The following GRIP1 variants were observed in gnomAD, a reference collection of about 807,000 sequenced individuals.
GRIP1 encodes the protein glutamate receptor interacting protein 1.
A neutral mutation model predicts 129.9 loss-of-function variants in GRIP1; 45 were observed. The observed-to-expected ratio is 0.35, with a 90% CI of 0.27 to 0.44. The LOEUF is 0.44. Among genes scored for constraint, GRIP1 ranks in the 20% least tolerant of loss-of-function variants. GRIP1 has a pLI of 1.00. For synonymous variants in GRIP1, 530 were observed against 520.8 expected (o/e 1.02, Z -0.24); for missense variants, 1,196 against 1,396.8 (o/e 0.86, Z 2.29).
rs187503865 is a variant in GRIP1 at position 66,832,504 on chromosome 12, A to G, written c.59-235577T>C. ...ACGAAAATCTCAACTTAAAAACTGGATTTTTTGTTTATGAGAAAAAAAAAT... is the reference window on the plus strand; with the variant it reads ...ACGAAAATCTCAACTTAAAAACTGGGTTTTTTGTTTATGAGAAAAAAAAAT... On this transcript the variant is annotated intron_variant, in intron 1 of 1. Coordinates refer to the GRIP1 transcript ENST00000643019. Among the ~76,000 whole-genome samples the G allele has an allele frequency of 1.5e-4, 22 of 149,560 alleles. No individual in the cohort carries two copies. In the East Asian group the frequency reaches 3.6e-3, roughly 24 times the overall value.
chr12:67,012,754 C>T (rs1401423852), intron 1 of GRIP1, among the ~76,000 whole-genome samples: 1 of 152,106 alleles, frequency 6.6e-6, no homozygotes, highest in Non-Finnish European at 1.5e-5. Context: ...TCAGTTATAT[C>T]AGTCCCTTTT....
intron 22 of GRIP1, among the ~76,000 whole-genome samples, chr12:66,374,337 G>A (rs771097801): frequency 1.3e-4 from 20 of 151,994 alleles, no homozygotes; most frequent in African/African-American, 4.1e-4. Context: ...ACAGGTACCC[G>A]TCACCACGCC....
intron 1 of GRIP1, among the ~76,000 whole-genome samples, chr12:66,854,669 GA>G (rs2039972622): frequency 6.6e-6 from 1 of 151,922 alleles, no homozygotes; most frequent in Non-Finnish European, 1.5e-5. Context: ...AGTAAGACAG[GA>G]ATTAAAATGC....
chr12:66,859,814 G>A (rs953429185), intron 1 of GRIP1, among the ~76,000 whole-genome samples: 4 of 152,068 alleles, frequency 2.6e-5, no homozygotes, highest in Admixed American at 6.6e-5. Flanking sequence ...CTAGCAGGCA[G>A]CACCAGTTGC....
chr12:66,371,757 G>T lies in GRIP1; in HGVS notation c.2949C>A (p.Thr983=). 1 of 1,614,034 alleles carries T rather than the reference G, an allele frequency of 6.2e-7. No homozygotes were observed. Among genetic ancestry groups the T allele is most frequent in the Non-Finnish European group, 8.5e-7 (1 of 1,179,946 alleles). ...LPSDVGRKSV[T]LRKMKQEIKE... is the part of the protein sequence containing the mutation. ...TTATTTCTTGTTTCATTTTTCTCAG[G>T]GTTACTGACTTCCTACCCACATCTG... The change falls in exon 23 of 25, where the codon ACC becomes ACA. Residue 983 remains threonine (T), a synonymous_variant. Coordinates refer to ENST00000359742, the MANE Select transcript of GRIP1 (RefSeq NM_001366722.1).
chr12:66,553,509 G>C (rs944611221), intron 2 of GRIP1, among the ~76,000 whole-genome samples: 1 of 151,752 alleles, frequency 6.6e-6, no homozygotes, highest in East Asian at 1.9e-4. Flanking sequence ...GAGCAAGATG[G>C]CTGAATAGAA....
At chr12:66,850,136 A>T (rs1412350711) in intron 1 of GRIP1, among the ~76,000 whole-genome samples, 1 of 152,170 alleles carries the variant, frequency 6.6e-6, no homozygotes, top group Non-Finnish European at 1.5e-5. Context: ...AGTGAGACAA[A>T]AGGGGAGATG....
chr12:66,747,474 C>T (rs933412287), intron 1 of GRIP1, among the ~76,000 whole-genome samples: 1 of 152,120 alleles, frequency 6.6e-6, no homozygotes, highest in African/African-American at 2.4e-5. Context: ...GTAAAAGAAG[C>T]ATTTCTTTCC....
chr12:66,452,215 G>T (rs545104298), intron 11 of GRIP1, among the ~76,000 whole-genome samples: 1 of 152,336 alleles, frequency 6.6e-6, no homozygotes, highest in South Asian at 2.1e-4. Flanking sequence ...AGATGATGAG[G>T]TTCTGGAAGG....
chr12:66,701,127 A>T (rs2035335919), intron 1 of GRIP1, among the ~76,000 whole-genome samples: 1 of 152,008 alleles, frequency 6.6e-6, no homozygotes, highest in African/African-American at 2.4e-5. Flanking sequence ...CAACTAATAA[A>T]CACAAACCCT....
At chr12:66,354,905 C>T (rs2054404693) in intron 23 of GRIP1, among the ~76,000 whole-genome samples, 1 of 152,096 alleles carries the variant, frequency 6.6e-6, no homozygotes, top group South Asian at 2.1e-4. Context: ...CAACCAGTCC[C>T]AGTGGTTATT....
At chr12:66,668,184 G>A (rs1280247433) in intron 1 of GRIP1, among the ~76,000 whole-genome samples, 1 of 152,154 alleles carries the variant, frequency 6.6e-6, no homozygotes, top group East Asian at 1.9e-4. Flanking sequence ...TAAACAAGTA[G>A]CATCTATACA....
At chr12:66,693,632 C>T (rs781341845) in intron 1 of GRIP1, among the ~76,000 whole-genome samples, 3 of 152,154 alleles carry the variant, frequency 2.0e-5, no homozygotes, top group East Asian at 1.9e-4. Context: ...GAGCTCTCCC[C>T]GGTAAAATGT....
intron 1 of GRIP1, among the ~76,000 whole-genome samples, chr12:66,891,657 G>A (rs946359793): frequency 2.6e-5 from 4 of 152,110 alleles, no homozygotes; most frequent in Non-Finnish European, 5.9e-5. Context: ...CCTTAAAGAC[G>A]ACAAGGATAA....
chr12:66,853,885 A>G (rs1032887438), intron 1 of GRIP1, among the ~76,000 whole-genome samples: 1 of 152,098 alleles, frequency 6.6e-6, no homozygotes, highest in African/African-American at 2.4e-5. Context: ...TTTCAAACCT[A>G]TACACAATTA....
intron 1 of GRIP1, among the ~76,000 whole-genome samples, chr12:66,951,780 G>A (rs905551535): frequency 6.6e-6 from 1 of 152,170 alleles, no homozygotes; most frequent in Non-Finnish European, 1.5e-5. Context: ...AGCCATCAGG[G>A]AGTAACATAA....
intron 14 of GRIP1, among the ~76,000 whole-genome samples, chr12:66,428,127 T>G (rs1171979646): frequency 6.6e-6 from 1 of 152,182 alleles, no homozygotes; most frequent in South Asian, 2.1e-4. Flanking sequence ...GCTGGGCAAG[T>G]GGACCCAAGT....
chr12:66,748,198 G>A (rs886821242), intron 1 of GRIP1, among the ~76,000 whole-genome samples: 3 of 152,108 alleles, frequency 2.0e-5, no homozygotes, highest in Non-Finnish European at 2.9e-5. Context: ...TGTATTTTTA[G>A]TAGAGATGGG....
chr12:66,897,169 T>C (rs1395926623), intron 1 of GRIP1, among the ~76,000 whole-genome samples: 1 of 152,200 alleles, frequency 6.6e-6, no homozygotes. Context: ...CATGAATCAA[T>C]GCATGGGAAG....
Sources: gnomAD v4.1 joint callset for allele counts (sites outside exome capture counted in the v4.1 genomes callset) on GRCh38, gnomAD v4.1.1 for gene constraint, MANE v1.5 for transcripts, NCBI Gene and HGNC (gene_info 2026-07-23, HGNC 2026-07-21) for gene names.